EFCAB5: variants seen among roughly 807,000 people sequenced by gnomAD.
EFCAB5 encodes EF-hand calcium-binding domain-containing protein 5.
In EFCAB5, 131 loss-of-function variants were observed where a neutral mutation model predicts 167.9. That is an observed-to-expected ratio of 0.78 (90% CI 0.68 to 0.90). EFCAB5 has a LOEUF of 0.90. Among genes scored for constraint, EFCAB5 ranks in the 40% least tolerant of loss-of-function variants. The probability of loss-of-function intolerance (pLI) is 0.00; values close to 1 mark genes in which losing one functional copy is unlikely to be tolerated. For synonymous variants in EFCAB5, 574 were observed against 602.8 expected (o/e 0.95, Z 0.70); for missense variants, 1,663 against 1,745.2 (o/e 0.95, Z 0.84).
chr17:30,000,359 A>G (rs1456081402), intron 7 of EFCAB5, among the ~76,000 whole-genome samples: 1 of 152,220 alleles, frequency 6.6e-6, no homozygotes, highest in African/African-American at 2.4e-5. Context: ...CTGCTTTTAC[A>G]GATGAAGACA....
chr17:29,997,885 A>G (rs1315439740), intron 6 of EFCAB5, among the ~76,000 whole-genome samples: 1 of 151,894 alleles, frequency 6.6e-6, no homozygotes, highest in Non-Finnish European at 1.5e-5. Context: ...GGAGAGTCAC[A>G]GATTTTGGTG....
At chr17:30,009,083 A>C (rs1174634422) in intron 7 of EFCAB5, among the ~76,000 whole-genome samples, 1 of 152,190 alleles carries the variant, frequency 6.6e-6, no homozygotes, top group Non-Finnish European at 1.5e-5. Context: ...CCTTCTTAAA[A>C]GGATATATGT....
chr17:30,076,304 C>G (rs2070867264), intron 14 of EFCAB5, among the ~76,000 whole-genome samples: 1 of 152,240 alleles, frequency 6.6e-6, no homozygotes, highest in Admixed American at 6.5e-5. Flanking sequence ...CTAAACCAAC[C>G]ACTCTGGCTA....
intron 22 of EFCAB5, among the ~76,000 whole-genome samples, chr17:30,096,591 T>C (rs1015143103): frequency 6.6e-6 from 1 of 150,706 alleles, no homozygotes; most frequent in Non-Finnish European, 1.5e-5. Flanking sequence ...TTTTTCTATT[T>C]AATTTGACAC....
chr17:30,001,162 TG>T (rs909122321), intron 7 of EFCAB5, among the ~76,000 whole-genome samples: 3 of 152,172 alleles, frequency 2.0e-5, no homozygotes, highest in Non-Finnish European at 4.4e-5. Flanking sequence ...CTGCATGGTG[TG>T]GCATGCTTTC....
intron 18 of EFCAB5, among the ~76,000 whole-genome samples, chr17:30,086,725 T>C (rs546053019): frequency 7.2e-5 from 11 of 152,310 alleles, no homozygotes; most frequent in African/African-American, 2.6e-4. Context: ...AAACTCTGTC[T>C]CTACCAAAAA....
At chr17:29,940,112 A>G (rs2067278496), upstream of EFCAB5, among the ~76,000 whole-genome samples, 1 of 146,484 alleles carries the variant, frequency 6.8e-6, no homozygotes, top group Admixed American at 6.9e-5. Context: ...AGTTTCGCTC[A>G]TTGCCGAGGC....
chr17:29,935,026 A>G (rs1439426327), intron 1 of EFCAB5, among the ~76,000 whole-genome samples: 1 of 151,798 alleles, frequency 6.6e-6, no homozygotes, highest in Non-Finnish European at 1.5e-5. Flanking sequence ...AAGTGAGTCA[A>G]AAAAAAAGAC....
intron 8 of EFCAB5, among the ~76,000 whole-genome samples, chr17:30,044,970 A>G (rs982212712): frequency 2.0e-5 from 3 of 152,230 alleles, no homozygotes; most frequent in African/African-American, 4.8e-5. Context: ...CTACTCAGTG[A>G]TAAAAGACAA....
At chr17:29,991,502 TCC>T (rs1258745423) in intron 4 of EFCAB5, among the ~76,000 whole-genome samples, 1 of 152,232 alleles carries the variant, frequency 6.6e-6, no homozygotes, top group Non-Finnish European at 1.5e-5. Flanking sequence ...AGGGATGGGC[TCC>T]CTGGCTAGTT....
intron 1 of EFCAB5, chr17:29,930,021 C>T: frequency 6.5e-7 from 1 of 1,530,800 alleles, no homozygotes. Context: ...CTGGGTTGTT[C>T]CGGGCAGGGC....
chr17:29,946,030 A>G (rs182802589), intron 3 of EFCAB5, among the ~76,000 whole-genome samples: 4 of 152,336 alleles, frequency 2.6e-5, no homozygotes. Context: ...CAAAAGAAAT[A>G]ACCATCAGAC....
chr17:30,053,552 C>A lies in EFCAB5; in HGVS notation c.1598C>A (p.Thr533Asn), dbSNP rs750162067. 1.2e-6 allele frequency: 2 copies of A among 1,613,742 alleles called. No individual in the cohort carries two copies. Among genetic ancestry groups the A allele is most frequent in the African/African-American group, 2.7e-5 (2 of 74,926 alleles). ...IEEQQQGKKP[T>N]AEQELYIESV... Reference sequence around the variant, plus strand: ...GAACAACAACAAGGCAAAAAGCCAACTGCAGAGCAAGAACTGTACATAGAA... The same window carrying A: ...GAACAACAACAAGGCAAAAAGCCAAATGCAGAGCAAGAACTGTACATAGAA... The change falls in exon 10 of 23, where the codon ACT (threonine) becomes AAT (asparagine). Residue 533 changes from threonine (T) to asparagine (N), a missense_variant. Transcript: ENST00000394835.
chr17:30,016,050 A>G (rs2069032582), intron 7 of EFCAB5, among the ~76,000 whole-genome samples: 2 of 152,098 alleles, frequency 1.3e-5, no homozygotes, highest in African/African-American at 4.8e-5. Context: ...AAAAATGTTT[A>G]TTCAGATCTC....
intron 17 of EFCAB5, among the ~76,000 whole-genome samples, chr17:30,081,422 T>C (rs922044624): frequency 1.3e-5 from 2 of 152,210 alleles, no homozygotes; most frequent in African/African-American, 2.4e-5. Flanking sequence ...GTTATAATTT[T>C]TGAGGATGAA....
At chr17:29,972,821 G>T in intron 4 of EFCAB5, 1 of 216,776 alleles carries the variant, frequency 4.6e-6, no homozygotes, top group South Asian at 8.3e-5. Flanking sequence ...CAGGCCTGTT[G>T]ATGGCCATGG....
intron 22 of EFCAB5, among the ~76,000 whole-genome samples, chr17:30,106,936 GT>G (rs1230460358): frequency 6.6e-6 from 1 of 152,202 alleles, no homozygotes; most frequent in East Asian, 1.9e-4. Context: ...GCAAGACCCT[GT>G]CTCAAAAGAA....
At chr17:30,069,440 GA>G in intron 14 of EFCAB5, 1 of 1,553,246 alleles carries the variant, frequency 6.4e-7, no homozygotes. Flanking sequence ...GATATTCACG[GA>G]AAAGGTTTTG....
intron 14 of EFCAB5, among the ~76,000 whole-genome samples, chr17:30,062,437 C>T (rs149371803): frequency 4.0e-4 from 61 of 152,318 alleles, no homozygotes; most frequent in Non-Finnish European, 7.5e-4. Context: ...CAGCAACCCC[C>T]ATTGACACCT....
Sources: allele counts gnomAD v4.1 joint callset (sites outside exome capture counted in the v4.1 genomes callset), GRCh38; gene constraint gnomAD v4.1.1; transcripts MANE v1.5; gene names NCBI Gene and HGNC (gene_info 2026-07-23, HGNC 2026-07-21).